ANKRD33B: variants seen among roughly 807,000 people sequenced by gnomAD.
ANKRD33B encodes ankyrin repeat domain 33B, also known as ankyrin repeat domain-containing protein 33B.
In ANKRD33B, 6 loss-of-function variants were observed where a neutral mutation model predicts 21.5. The ratio of observed to expected loss-of-function variants is 0.28; its 90% CI spans 0.15 to 0.55. The LOEUF (loss-of-function observed/expected upper bound fraction) is 0.55. Ranked by LOEUF, ANKRD33B falls within the 20% of genes least tolerant of loss-of-function variation. ANKRD33B has a pLI of 0.94. For missense variants in ANKRD33B, 698 were observed against 747.2 expected (o/e 0.93, Z 0.77); for synonymous variants, 347 against 342.4 (o/e 1.01, Z -0.15).
intron 1 of ANKRD33B, among the ~76,000 whole-genome samples, chr5:10,602,097 AC>A (rs1735946853): frequency 7.0e-6 from 1 of 143,874 alleles, no homozygotes. Flanking sequence ...GTAAAAATGA[AC>A]AAGAACACAA....
At chr5:10,611,022 C>A (rs113782378) in intron 1 of ANKRD33B, among the ~76,000 whole-genome samples, 4,476 of 152,186 alleles carry the variant, frequency 0.029, 101 homozygotes, top group East Asian at 0.084. Context: ...TCAGCCTGGG[C>A]AGCAGAGCGA....
chr5:10,574,813 C>T (rs1252687387), intron 1 of ANKRD33B, among the ~76,000 whole-genome samples: 1 of 151,280 alleles, frequency 6.6e-6, no homozygotes, highest in East Asian at 2.0e-4. Flanking sequence ...GCTGCAGTGG[C>T]TCACACCTGT....
chr5:10,618,987 C>T (rs943143535), intron 2 of ANKRD33B, among the ~76,000 whole-genome samples: 1 of 152,158 alleles, frequency 6.6e-6, no homozygotes, highest in African/African-American at 2.4e-5. Context: ...GGTATCCAAG[C>T]ATGTGGCCCT....
intron 1 of ANKRD33B, among the ~76,000 whole-genome samples, chr5:10,614,392 A>G (rs1284815817): frequency 2.6e-5 from 4 of 152,208 alleles, no homozygotes; most frequent in African/African-American, 9.6e-5. Context: ...GATACATGAA[A>G]TTAACCATCA....
chr5:10,592,450 T>TAAAA (rs35660672), intron 1 of ANKRD33B, among the ~76,000 whole-genome samples: 117 of 69,084 alleles, frequency 1.7e-3, no homozygotes, highest in African/African-American at 6.7e-3. Context: ...CCATCTCTAC[T>TAAAA]AAAAAAAAAA....
intron 2 of ANKRD33B, chr5:10,625,086 A>T (rs1041960837): frequency 1.1e-4 from 27 of 256,784 alleles, no homozygotes; most frequent in African/African-American, 5.3e-4. Flanking sequence ...ACACAGAGGC[A>T]TCACGGAATT....
At chr5:10,608,787 T>C (rs754606076) in intron 1 of ANKRD33B, among the ~76,000 whole-genome samples, 8 of 152,168 alleles carry the variant, frequency 5.3e-5, no homozygotes, top group Non-Finnish European at 1.0e-4. Flanking sequence ...ATTAATAATA[T>C]GACTGCATCG....
In ANKRD33B at chr5:10,649,795, C is replaced by T. The variant is rs1261668768; in HGVS notation, c.1167C>T (p.Pro389=). Residue 389 remains proline (P), a synonymous_variant, in exon 4 of 4, where the codon CCC becomes CCT. Transcript: ENST00000296657. ...REGSPRAGLP[P]ALGSRGPAAP... ...GCTCCCCGAGAGCCGGCCTCCCTCC[C>T]GCCCTGGGGTCCCGGGGCCCCGCAG... 7.9e-6 allele frequency: 11 copies of T among 1,396,050 alleles called. No individual in the cohort carries two copies. In the African/African-American group the frequency reaches 1.2e-4, roughly 15 times the overall value. The allele number at this position is 1,396,050 out of a possible 1,614,324, so 86.5% of individuals were successfully genotyped here.
chr5:10,630,829 C>A lies in ANKRD33B; in HGVS notation c.497-7199C>A, dbSNP rs553587956. ...CTGAGGTTGCAGTGAGCCAAGGTCG[C>A]GCCACTGCACTCCAGCCTAGGTGAC... is the stretch of plus-strand genomic sequence containing the variant. On this transcript the variant is annotated intron_variant, in intron 2 of 3. Transcript: ENST00000296657. Among the ~76,000 whole-genome samples the A allele has an allele frequency of 1.6e-3, 232 of 149,600 alleles. 2 individuals are homozygous for A. Among genetic ancestry groups the A allele is most frequent in the Non-Finnish European group, 2.4e-3 (165 of 67,730 alleles).
chr5:10,609,941 A>G (rs1736128701), intron 1 of ANKRD33B, among the ~76,000 whole-genome samples: 3 of 152,076 alleles, frequency 2.0e-5, no homozygotes, highest in South Asian at 2.1e-4. Flanking sequence ...AAGAATTCAT[A>G]CTGATCAATG....
At chr5:10,589,411 A>G (rs1268286366) in intron 1 of ANKRD33B, among the ~76,000 whole-genome samples, 2 of 152,178 alleles carry the variant, frequency 1.3e-5, no homozygotes, top group Non-Finnish European at 2.9e-5. Context: ...ATCTCACTTA[A>G]CATTACAACA....
In ANKRD33B at chr5:10,626,738, C is replaced by A. The variant is rs578045278; in HGVS notation, c.496+8276C>A. ...GGGACATCAAGGAAGAGGAGCAAAT[C>A]CCTGTCGGCGTTTCCCTTTATAAGA... is the stretch of plus-strand genomic sequence containing the variant. On this transcript the variant is annotated intron_variant, in intron 2 of 3. Transcript: ENST00000296657. 2.0e-5 allele frequency among the ~76,000 whole-genome samples: 3 copies of A among 152,346 alleles called. No individual in the cohort carries two copies. In the South Asian group the frequency reaches 6.2e-4, roughly 32 times the overall value.
At chr5:10,615,027 C>CTAT (rs1553992945) in intron 1 of ANKRD33B, among the ~76,000 whole-genome samples, 2 of 152,134 alleles carry the variant, frequency 1.3e-5, no homozygotes, top group Admixed American at 6.5e-5. Context: ...GAAGGAGGTG[C>CTAT]TATTAGTCCA....
intron 1 of ANKRD33B, among the ~76,000 whole-genome samples, chr5:10,600,441 T>C (rs1290620621): frequency 6.6e-6 from 1 of 152,264 alleles, no homozygotes; most frequent in African/African-American, 2.4e-5. Flanking sequence ...TCTGGCATAT[T>C]TTGTTCAATG....
At chr5:10,634,906 A>G (rs1246111310) in intron 2 of ANKRD33B, among the ~76,000 whole-genome samples, 1 of 89,280 alleles carries the variant, frequency 1.1e-5, no homozygotes, top group African/African-American at 3.9e-5. Flanking sequence ...TCTTAGAAGT[A>G]TTGGGTCCAC....
intron 1 of ANKRD33B, among the ~76,000 whole-genome samples, chr5:10,613,990 C>CGTGTGTGTGTGT (rs59864065): frequency 0.043 from 6,084 of 141,288 alleles, 281 homozygotes; most frequent in African/African-American, 0.11. Context: ...CCAGAGAAAT[C>CGTGTGTGTGTGT]GTGTGTGTGT....
chr5:10,605,428 T>A (rs1022461210), intron 1 of ANKRD33B, among the ~76,000 whole-genome samples: 6 of 152,218 alleles, frequency 3.9e-5, no homozygotes, highest in Non-Finnish European at 8.8e-5. Flanking sequence ...AGTATACTCA[T>A]GACAGACATA....
At chr5:10,588,022 G>T (rs973265958) in intron 1 of ANKRD33B, among the ~76,000 whole-genome samples, 1 of 152,118 alleles carries the variant, frequency 6.6e-6, no homozygotes, top group African/African-American at 2.4e-5. Context: ...CACCAACAGG[G>T]TATGAAATTG....
At chr5:10,635,930 G>A (rs971187730) in intron 2 of ANKRD33B, among the ~76,000 whole-genome samples, 6 of 152,254 alleles carry the variant, frequency 3.9e-5, no homozygotes, top group Admixed American at 2.6e-4. Context: ...CAGCCGCAGC[G>A]GGGAATCCTG....
Sources: allele counts gnomAD v4.1 joint callset (sites outside exome capture counted in the v4.1 genomes callset), GRCh38; gene constraint gnomAD v4.1.1; transcripts MANE v1.5; gene names NCBI Gene and HGNC (gene_info 2026-07-23, HGNC 2026-07-21).